Variants in ATAD2B observed in about 807,000 individuals in gnomAD.
ATAD2B encodes ATPase family AAA domain containing 2B, also known as ATPase family AAA domain-containing protein 2B.
In ATAD2B, 40 loss-of-function variants were observed where a neutral mutation model predicts 167.6. That is an observed-to-expected ratio of 0.24 (90% CI 0.19 to 0.31). The LOEUF is 0.31. ATAD2B is among the 10% of genes least tolerant of loss of function. The pLI is 1.00. For missense variants in ATAD2B, 1,242 were observed against 1,757.2 expected (o/e 0.71, Z 5.24); for synonymous variants, 579 against 596.5 (o/e 0.97, Z 0.43).
At chr2:23,883,675 T>A in intron 6 of ATAD2B, 1 of 1,107,154 alleles carries the variant, frequency 9.0e-7, no homozygotes, top group Non-Finnish European at 1.2e-6. Flanking sequence ...AGTACCTTCA[T>A]TAGAAATATC....
rs200465010 is a variant in ATAD2B at position 23,790,475 on chromosome 2, T to TA, written c.2641-1829_2641-1828insT. On this transcript the variant is annotated intron_variant, in intron 19 of 27. Coordinates refer to ENST00000238789, the MANE Select transcript of ATAD2B (RefSeq NM_017552.4). ...TTCTCTGATAATTTTCAATACTATG[T>TA]TAACACTTTATGAATACAAAAGCAT... Among the ~76,000 whole-genome samples the TA allele has an allele frequency of 1.5e-3, 228 of 152,340 alleles. 1 individual carries two copies. The East Asian group carries it at 0.037, about 25-fold the overall frequency.
chr2:23,854,073 T>C (rs13028280), intron 13 of ATAD2B, among the ~76,000 whole-genome samples: 1,565 of 149,068 alleles, frequency 0.01, 13 homozygotes, highest in Non-Finnish European at 0.017. Flanking sequence ...TGGTGAAACA[T>C]ACCTCTACTA....
chr2:23,886,868 T>C (rs1325328008), intron 4 of ATAD2B, among the ~76,000 whole-genome samples: 2 of 151,272 alleles, frequency 1.3e-5, no homozygotes, highest in East Asian at 3.9e-4. Context: ...GAGGCAGAGC[T>C]TGCAGTGAGC....
At chr2:23,768,427 C>T (rs1294627716) in intron 22 of ATAD2B, among the ~76,000 whole-genome samples, 1 of 151,998 alleles carries the variant, frequency 6.6e-6, no homozygotes, top group African/African-American at 2.4e-5. Context: ...AAAAATTAGG[C>T]AAGCATGGTG....
intron 1 of ATAD2B, among the ~76,000 whole-genome samples, chr2:23,917,006 G>C (rs1439821869): frequency 2.0e-5 from 3 of 152,194 alleles, no homozygotes; most frequent in Non-Finnish European, 1.5e-5. Context: ...CTAGATTCTT[G>C]GGATTCAGAC....
At chr2:23,719,457 T>A in the ATAD2B span, among the ~76,000 whole-genome samples, 2 of 151,966 alleles carry the variant, frequency 1.3e-5, no homozygotes, top group Non-Finnish European at 2.9e-5. Flanking sequence ...TTGTTTCACT[T>A]CCCCCACTCC....
intron 8 of ATAD2B, among the ~76,000 whole-genome samples, chr2:23,873,956 G>A (rs533760683): frequency 6.6e-6 from 1 of 151,694 alleles, no homozygotes; most frequent in East Asian, 2.0e-4. Flanking sequence ...GGAGGCTGAG[G>A]CAGGCAGATC....
At chr2:23,834,607 T>C (rs1383742156) in intron 13 of ATAD2B, among the ~76,000 whole-genome samples, 2 of 151,988 alleles carry the variant, frequency 1.3e-5, no homozygotes, top group Non-Finnish European at 2.9e-5. Flanking sequence ...ATGGACTTCA[T>C]CAAAATTAAA....
Position 23,926,698 on chromosome 2 carries a change from C to CCCCAGG in ATAD2B, c.67_72dup (p.Pro23_Gly24dup), listed in dbSNP as rs1451984058. 3.9e-6 allele frequency: 6 copies of CCCCAGG among 1,551,364 alleles called. No homozygotes were observed. Among genetic ancestry groups the CCCCAGG allele is most frequent in the Middle Eastern group, 1.7e-4 (1 of 5,866 alleles). On this transcript the variant is annotated inframe_insertion, in exon 1 of 28. Transcript: ENST00000238789. ...CCGGTCGCCCCAGGCTCTGCTCCGG[C>CCCCAGG]CCCAGGCCCAGGCCCGGGACCAGGA...
chr2:23,818,113 AC>A (rs869205300), intron 17 of ATAD2B, among the ~76,000 whole-genome samples: 3 of 116,238 alleles, frequency 2.6e-5, no homozygotes, highest in Non-Finnish European at 5.5e-5. Context: ...ACACACACAC[AC>A]ACACACATTA....
the ATAD2B span, among the ~76,000 whole-genome samples, chr2:23,727,134 C>T: frequency 6.6e-6 from 1 of 151,952 alleles, no homozygotes; most frequent in African/African-American, 2.4e-5. Context: ...ATGATGAAGA[C>T]TGCAAAGAGA....
At chr2:23,741,805 C>G in the ATAD2B span, among the ~76,000 whole-genome samples, 12 of 152,222 alleles carry the variant, frequency 7.9e-5, no homozygotes, top group African/African-American at 2.9e-4. Context: ...ACCTACTCAT[C>G]TGACAAAGGG....
the ATAD2B span, among the ~76,000 whole-genome samples, chr2:23,682,583 T>C: frequency 5.9e-5 from 9 of 152,286 alleles, no homozygotes; most frequent in East Asian, 1.9e-4. This position sits in a 1 kb window ranked among gnomAD's most constrained non-coding sequence, Gnocchi z 4.1. Context: ...GGCAAGACTG[T>C]TGCGATCTGG....
intron 19 of ATAD2B, among the ~76,000 whole-genome samples, chr2:23,796,750 C>T (rs1411053284): frequency 6.6e-6 from 1 of 152,158 alleles, no homozygotes; most frequent in East Asian, 1.9e-4. Flanking sequence ...CTTTATAATA[C>T]TAATACCAAA....
chr2:23,906,214 G>A (rs897396564), intron 1 of ATAD2B, among the ~76,000 whole-genome samples: 6 of 151,816 alleles, frequency 4.0e-5, no homozygotes, highest in African/African-American at 1.5e-4. Context: ...GGTGGTGGGC[G>A]CCTGTAATCC....
At chr2:23,695,903 C>T in the ATAD2B span, 33 of 1,538,102 alleles carry the variant, frequency 2.1e-5, no homozygotes, top group East Asian at 9.8e-5. The surrounding 1 kb of genome is among the most constrained non-coding windows in gnomAD (Gnocchi z 7.6). Flanking sequence ...GCACAGATGC[C>T]GACAGTCTTA....
At chr2:23,764,261 G>A (rs962137329) in intron 23 of ATAD2B, among the ~76,000 whole-genome samples, 3 of 152,176 alleles carry the variant, frequency 2.0e-5, no homozygotes, top group Middle Eastern at 3.4e-3. Flanking sequence ...ACTTCTTCCC[G>A]CCAAGGCAAT....
chr2:23,732,708 C>A, the ATAD2B span, among the ~76,000 whole-genome samples: 3 of 152,146 alleles, frequency 2.0e-5, no homozygotes, highest in Middle Eastern at 3.2e-3. Context: ...TATCTATACC[C>A]CCAGTTTCTG....
chr2:23,907,314 T>C (rs1299964560), intron 1 of ATAD2B, among the ~76,000 whole-genome samples: 1 of 152,022 alleles, frequency 6.6e-6, no homozygotes, highest in Non-Finnish European at 1.5e-5. Flanking sequence ...AGCATTCTTA[T>C]ACACCAACAA....
Sources: gnomAD v4.1 joint callset for allele counts (sites outside exome capture counted in the v4.1 genomes callset) on GRCh38, gnomAD v4.1.1 for gene constraint, Gnocchi (gnomAD v3.1) non-coding constraint, MANE v1.5 for transcripts, NCBI Gene and HGNC (gene_info 2026-07-23, HGNC 2026-07-21) for gene names.